Variants in DYNC2H1 observed in about 807,000 individuals in gnomAD.
DYNC2H1 encodes cytoplasmic dynein 2 heavy chain 1.
Under a neutral mutation model 570.0 loss-of-function variants are expected in DYNC2H1, and 410 were observed. The observed-to-expected ratio is 0.72, with a 90% CI of 0.66 to 0.78. The LOEUF (loss-of-function observed/expected upper bound fraction) is 0.78, where lower values mean the gene tolerates loss of function less well. Ranked by LOEUF, DYNC2H1 falls within the 30% of genes least tolerant of loss-of-function variation. The pLI, the probability that DYNC2H1 is intolerant of heterozygous loss-of-function variation, is 0.00. For missense variants in DYNC2H1, 4,865 were observed against 5,046.4 expected, an observed-to-expected ratio of 0.96 and a Z score of 1.09; for synonymous variants, 1,688 against 1,677.6, an observed-to-expected ratio of 1.01 and a Z score of -0.15.
At position 103,341,653 on chromosome 11, in the gene DYNC2H1, T is replaced by A. The variant is rs186176218; in HGVS notation, c.12040-16590T>A. ...AGAAGAAACTGTAAAGAATTGCTAA[T>A]TTTGGTATCCTAAATGTCATCAAAT... is the stretch of plus-strand genomic sequence containing the variant. On this transcript the variant is annotated intron_variant, in intron 82 of 88. Coordinates refer to ENST00000375735, the MANE Select transcript of DYNC2H1 (RefSeq NM_001377.3). Among the ~76,000 whole-genome samples, 20 of 152,344 alleles carry A rather than the reference T, an allele frequency of 1.3e-4. No individual in the cohort carries two copies. In the East Asian group the frequency reaches 3.9e-3, roughly 29 times the overall value.
At chr11:103,436,149 C>A (rs1386528646) in intron 85 of DYNC2H1, 117 bp downstream of exon 85, 2 of 754,662 alleles carry the variant, frequency 2.7e-6, no homozygotes, top group African/African-American at 1.8e-5. Flanking sequence ...CATAAAACAT[C>A]ATATATTCAT....
chr11:103,456,787 C>A (rs1944804298), intron 87 of DYNC2H1, among the ~76,000 whole-genome samples: 1 of 152,180 alleles, frequency 6.6e-6, no homozygotes, highest in African/African-American at 2.4e-5. Context: ...TATTTTGGTC[C>A]ACATGGGTGG....
intron 83 of DYNC2H1, among the ~76,000 whole-genome samples, chr11:103,389,957 G>A (rs1356542281): frequency 6.6e-6 from 1 of 152,164 alleles, no homozygotes; most frequent in Non-Finnish European, 1.5e-5. Context: ...GTGGTGCTGA[G>A]AAGAATGTAT....
rs1452730204 is a variant in DYNC2H1, at chr11:103,440,884, C to T, written c.12456+4852C>T. Among the ~76,000 whole-genome samples, 3 of 152,300 alleles carry T rather than the reference C, an allele frequency of 2.0e-5. No homozygotes were observed. The East Asian group carries it at 5.8e-4, about 29-fold the overall frequency. The stretch of plus-strand genomic sequence containing the variant: ...CCTTTTACTATCCGTACTACCACTA[C>T]CTCGATTGAAGTCATTGTGAATGCA... On this transcript the variant is annotated intron_variant, in intron 85 of 88. Transcript: ENST00000375735.
At position 103,243,509 on chromosome 11, in the gene DYNC2H1, A is replaced by G. The variant is rs1274487126; in HGVS notation, c.9820-184A>G. ...TCCTGGTCACTGAAGATTTGTTAAT[A>G]TGGCTTGTGATGCAGCTAAAAACTG... On this transcript the variant is annotated intron_variant, in intron 63 of 88. Transcript: ENST00000375735. The surrounding 1 kb of genome is among the most constrained non-coding windows in gnomAD (Gnocchi z 4.8). Among the ~76,000 whole-genome samples the G allele has an allele frequency of 6.6e-6, 1 of 152,168 alleles. No homozygotes were observed. The highest frequency in any genetic ancestry group is 2.4e-5 in the African/African-American group (1 of 41,448).
intron 85 of DYNC2H1, among the ~76,000 whole-genome samples, chr11:103,449,317 T>G (rs942474115): frequency 6.6e-6 from 1 of 152,162 alleles, no homozygotes; most frequent in Non-Finnish European, 1.5e-5. Flanking sequence ...CTGACTTCTG[T>G]GAGTGAGATG....
intron 83 of DYNC2H1, among the ~76,000 whole-genome samples, chr11:103,387,186 T>A (rs1479267419): frequency 2.0e-5 from 3 of 152,148 alleles, no homozygotes; most frequent in Admixed American, 6.6e-5. Context: ...TTTTAATGAT[T>A]GACATTCTAA....
At chr11:103,321,894 C>T (rs1204676847) in intron 81 of DYNC2H1, among the ~76,000 whole-genome samples, 1 of 152,070 alleles carries the variant, frequency 6.6e-6, no homozygotes, top group Non-Finnish European at 1.5e-5. Context: ...TATAATTATA[C>T]ATTTCTTCAT....
chr11:103,423,674 T>TA (rs918422335), intron 84 of DYNC2H1, among the ~76,000 whole-genome samples: 6 of 151,656 alleles, frequency 4.0e-5, no homozygotes, highest in African/African-American at 9.7e-5. Flanking sequence ...TAGGAGAAAA[T>TA]AATTTCAAGA....
In DYNC2H1 at chr11:103,186,622, C is replaced by G. The variant is rs1221625448; in HGVS notation, c.6893+121C>G. 2 of 1,306,058 alleles carry G rather than the reference C, an allele frequency of 1.5e-6. No homozygotes were observed. Among genetic ancestry groups the G allele is most frequent in the Non-Finnish European group, 2.0e-6 (2 of 983,438 alleles). 80.9% of individuals were successfully genotyped at this position (1,306,058 alleles called of 1,614,324 possible). On this transcript the variant is annotated intron_variant, in intron 42 of 88. Transcript: ENST00000375735. The surrounding 1 kb of genome is among the most constrained non-coding windows in gnomAD (Gnocchi z 4.5). ...AGCATTTACATTTTCATGGAAGATT[C>G]ATTTTATTTTCATTACTTATAAAAA... is the stretch of plus-strand genomic sequence containing the variant.
chr11:103,160,771 G>A lies in DYNC2H1; in HGVS notation c.4379-161G>A, dbSNP rs1205913372. ...AGAAAGTGATTTTTTTCCCTCAATA[G>A]GACATTTAAACACTAGGAGCACTAT... On this transcript the variant is annotated intron_variant, in intron 28 of 88. Coordinates refer to ENST00000375735, the MANE Select transcript of DYNC2H1 (RefSeq NM_001377.3). Among the ~76,000 whole-genome samples the A allele has an allele frequency of 3.3e-5, 5 of 151,786 alleles. No homozygotes were observed. The East Asian group carries it at 7.7e-4, about 23-fold the overall frequency.
intron 84 of DYNC2H1, chr11:103,407,088 G>A (rs7934274): frequency 0.51 from 77,259 of 151,258 alleles, 20,030 homozygotes; most frequent in African/African-American, 0.62. Flanking sequence ...CTCCAGGGCC[G>A]GGATTTATTT....
At position 103,468,569 on chromosome 11, in the gene DYNC2H1, C is replaced by A; in HGVS notation, c.12649-20C>A. The A allele has an allele frequency of 6.3e-7, 1 of 1,575,234 alleles. No individual in the cohort carries two copies. The highest frequency in any genetic ancestry group is 8.7e-7 in the Non-Finnish European group (1 of 1,146,620). ...GCGACTTTAATGCATATTTTCATGA[C>A]ATATTTGTTTCCATGGCAGATCAGT... is the stretch of plus-strand genomic sequence containing the variant. On this transcript the variant is annotated intron_variant, in intron 87 of 88. Coordinates refer to ENST00000375735, the MANE Select transcript of DYNC2H1 (RefSeq NM_001377.3).
intron 88 of DYNC2H1, among the ~76,000 whole-genome samples, chr11:103,476,809 A>G (rs923466314): frequency 2.0e-5 from 3 of 152,192 alleles, no homozygotes; most frequent in Non-Finnish European, 2.9e-5. Context: ...TAAAGTTCAT[A>G]TAATGCCCAC....
chr11:103,392,448 G>T (rs1942198550), intron 83 of DYNC2H1, among the ~76,000 whole-genome samples: 1 of 152,252 alleles, frequency 6.6e-6, no homozygotes, highest in African/African-American at 2.4e-5. Flanking sequence ...TGCGCTTACT[G>T]GGTGAGGTGA....
chr11:103,188,962 A>G (rs1254681538), intron 44 of DYNC2H1, among the ~76,000 whole-genome samples: 1 of 152,100 alleles, frequency 6.6e-6, no homozygotes, highest in East Asian at 1.9e-4. Flanking sequence ...TATGCAGTTC[A>G]TGAAACAAAA....
rs1031053493 is a variant in DYNC2H1, at chr11:103,163,625, G to T, written c.4611+478G>T. 2.0e-5 allele frequency among the ~76,000 whole-genome samples: 3 copies of T among 152,254 alleles called. No individual in the cohort carries two copies. Among genetic ancestry groups the T allele is most frequent in the Admixed American group, 2.0e-4 (3 of 15,296 alleles). ...TGGCTGCAGCTCAGGGTTAATAGGA[G>T]TTCATCCCTGAACACTGGGTACTAG... is the stretch of plus-strand genomic sequence containing the variant. On this transcript the variant is annotated intron_variant, in intron 30 of 88. Coordinates refer to ENST00000375735, the MANE Select transcript of DYNC2H1 (RefSeq NM_001377.3). This position sits in a 1 kb window ranked among gnomAD's most constrained non-coding sequence, Gnocchi z 4.6.
At chr11:103,135,969 C>T in intron 17 of DYNC2H1, 21 bp downstream of exon 17, 5 of 1,481,002 alleles carry the variant, frequency 3.4e-6, no homozygotes, top group Non-Finnish European at 4.5e-6. Flanking sequence ...TGTAATGTTC[C>T]ATCCTTCCAT....
At chr11:103,216,526 C>T (rs1359369322) in intron 55 of DYNC2H1, among the ~76,000 whole-genome samples, 1 of 152,130 alleles carries the variant, frequency 6.6e-6, no homozygotes. Context: ...GGCATGGTCA[C>T]TCATGCTGTA....
Sources: allele counts gnomAD v4.1 joint callset (sites outside exome capture counted in the v4.1 genomes callset), GRCh38; gene constraint gnomAD v4.1.1; non-coding constraint Gnocchi (gnomAD v3.1); transcripts MANE v1.5; gene names NCBI Gene and HGNC (gene_info 2026-07-23, HGNC 2026-07-21).